Variants in ZNF704 observed in about 807,000 individuals in gnomAD.
The protein encoded by ZNF704 is zinc finger protein 704, also known as glucocorticoid induced gene 1.
ZNF704 carries 10 observed loss-of-function variants against 44.7 expected under a neutral mutation model. The ratio of observed to expected loss-of-function variants is 0.22; its 90% CI spans 0.14 to 0.38. The LOEUF (loss-of-function observed/expected upper bound fraction) is 0.38. Ranked by LOEUF, ZNF704 falls within the 10% of genes least tolerant of loss-of-function variation. ZNF704 has a pLI of 1.00. For missense variants in ZNF704, 390 were observed against 545.5 expected (o/e 0.71, Z 2.84); for synonymous variants, 211 against 207.6 (o/e 1.02, Z -0.14).
At chr8:80,717,047 TTAAA>T (rs1004201583) in intron 2 of ZNF704, among the ~76,000 whole-genome samples, 1 of 152,220 alleles carries the variant, frequency 6.6e-6, no homozygotes, top group Non-Finnish European at 1.5e-5. Flanking sequence ...TCTATACTCT[TTAAA>T]TAGCTCCAGT....
chr8:80,712,967 C>T (rs1819011256), intron 2 of ZNF704, among the ~76,000 whole-genome samples: 1 of 151,824 alleles, frequency 6.6e-6, no homozygotes, highest in Non-Finnish European at 1.5e-5. Context: ...ATGACCTCGG[C>T]TCACCGCAAT....
intron 4 of ZNF704, among the ~76,000 whole-genome samples, chr8:80,675,841 G>A (rs967944279): frequency 3.3e-5 from 5 of 152,162 alleles, no homozygotes; most frequent in African/African-American, 1.2e-4. Context: ...GGGAGAGTCA[G>A]GGATAGAGAT....
intron 4 of ZNF704, among the ~76,000 whole-genome samples, chr8:80,679,574 A>G (rs932302951): frequency 3.3e-5 from 5 of 152,200 alleles, no homozygotes; most frequent in Admixed American, 3.3e-4. Flanking sequence ...CCACCATCTC[A>G]TGGATAACAG....
intron 1 of ZNF704, among the ~76,000 whole-genome samples, chr8:80,848,602 T>C (rs1032612631): frequency 1.3e-5 from 2 of 152,040 alleles, no homozygotes; most frequent in African/African-American, 4.8e-5. Context: ...CCCAGCACTT[T>C]GGGGGGCCAA....
chr8:80,753,265 G>C (rs929779555), intron 2 of ZNF704, among the ~76,000 whole-genome samples: 3 of 152,206 alleles, frequency 2.0e-5, no homozygotes, highest in Non-Finnish European at 4.4e-5. Flanking sequence ...CCTCCAGCCA[G>C]GAGCGCCTGA....
chr8:80,675,846 A>G (rs1045652653), intron 4 of ZNF704, among the ~76,000 whole-genome samples: 8 of 152,270 alleles, frequency 5.3e-5, no homozygotes, highest in African/African-American at 1.9e-4. Flanking sequence ...AGTCAGGGAT[A>G]GAGATATAAA....
chr8:80,810,823 A>C (rs1808069087), intron 2 of ZNF704, among the ~76,000 whole-genome samples: 1 of 152,192 alleles, frequency 6.6e-6, no homozygotes, highest in Non-Finnish European at 1.5e-5. Flanking sequence ...TTTCTAACTA[A>C]TCTATTTAGT....
At chr8:80,778,163 A>G (rs1807447548) in intron 2 of ZNF704, among the ~76,000 whole-genome samples, 1 of 152,186 alleles carries the variant, frequency 6.6e-6, no homozygotes, top group South Asian at 2.1e-4. Context: ...AACTTAAACA[A>G]ATTGAAAGAA....
intron 2 of ZNF704, among the ~76,000 whole-genome samples, chr8:80,795,979 C>G (rs1807794764): frequency 6.6e-6 from 1 of 152,104 alleles, no homozygotes; most frequent in Non-Finnish European, 1.5e-5. Context: ...TTGAAAACAA[C>G]TGATTTTCAC....
At chr8:80,730,538 TAAAAAAAAAAAAAAAAAAA>T (rs148942015) in intron 2 of ZNF704, among the ~76,000 whole-genome samples, 2 of 63,960 alleles carry the variant, frequency 3.1e-5, no homozygotes, top group African/African-American at 1.0e-4. Context: ...GACTACATCT[TAAAAAAAAAAAAAAAAAAA>T]AAAAAAAAAA....
rs140248976 is a variant in ZNF704 at position 80,860,009 on chromosome 8, G to A, written c.-22+14562C>T. Reference sequence around the variant, plus strand: ...GGCTACCCTACACGTGCACACACTCGTGCAAAAATCCCAAGACAGTGTGGG... The same window carrying A: ...GGCTACCCTACACGTGCACACACTCATGCAAAAATCCCAAGACAGTGTGGG... On this transcript the variant is annotated intron_variant, in intron 1 of 8. Transcript: ENST00000327835. 2.0e-3 allele frequency among the ~76,000 whole-genome samples: 301 copies of A among 152,282 alleles called. 2 individuals are homozygous for A. The highest frequency in any genetic ancestry group is 6.4e-3 in the African/African-American group (264 of 41,568).
chr8:80,852,228 C>T (rs1245934412), intron 1 of ZNF704, among the ~76,000 whole-genome samples: 1 of 152,132 alleles, frequency 6.6e-6, no homozygotes, highest in Non-Finnish European at 1.5e-5. Flanking sequence ...CAATACTGGG[C>T]TTTCCTGACA....
intron 3 of ZNF704, 122 bp downstream of exon 3, chr8:80,692,882 G>C (rs1250691651): frequency 3.6e-6 from 3 of 844,882 alleles, no homozygotes; most frequent in Non-Finnish European, 5.6e-6. Flanking sequence ...GTTTCTCTTT[G>C]CTTCCTGCTA....
intron 7 of ZNF704, among the ~76,000 whole-genome samples, chr8:80,650,450 C>T (rs969196245): frequency 2.6e-5 from 4 of 152,228 alleles, no homozygotes; most frequent in South Asian, 2.1e-4. Context: ...ACCAGAATAA[C>T]CAATGCAGAG....
At chr8:80,672,424 C>A (rs556166848) in intron 4 of ZNF704, among the ~76,000 whole-genome samples, 1 of 152,130 alleles carries the variant, frequency 6.6e-6, no homozygotes, top group Non-Finnish European at 1.5e-5. Context: ...TGGGTGTATA[C>A]CCAAAGGAAA....
At chr8:80,727,247 G>A (rs1806496368) in intron 2 of ZNF704, among the ~76,000 whole-genome samples, 1 of 152,144 alleles carries the variant, frequency 6.6e-6, no homozygotes, top group African/African-American at 2.4e-5. Flanking sequence ...CCTTGCTATA[G>A]CCATGTGGCT....
rs778223857 is a variant in ZNF704, at chr8:80,639,662, GCA to G, written c.*1702_*1703del. ...AATAAAAGTCCCATAATATGTGAAT[GCA>G]CAGATTGTGGATGTTGCACTGTAGA... is the stretch of plus-strand genomic sequence containing the variant. On this transcript the variant is annotated 3_prime_UTR_variant, in exon 9 of 9. Coordinates refer to ENST00000327835, the MANE Select transcript of ZNF704 (RefSeq NM_001033723.3). 5 of 152,466 alleles carry G rather than the reference GCA, an allele frequency of 3.3e-5. No individual in the cohort carries two copies. Among genetic ancestry groups the G allele is most frequent in the Non-Finnish European group, 7.4e-5 (5 of 68,012 alleles). 9.4% of individuals were successfully genotyped at this position (152,466 alleles called of 1,614,324 possible).
chr8:80,725,076 A>G (rs922643580), intron 2 of ZNF704, among the ~76,000 whole-genome samples: 8 of 152,214 alleles, frequency 5.3e-5, no homozygotes, highest in Non-Finnish European at 7.3e-5. Flanking sequence ...GACTTGAAGA[A>G]TAAGACATAG....
At chr8:80,692,126 C>T (rs1490883721) in intron 3 of ZNF704, among the ~76,000 whole-genome samples, 2 of 152,194 alleles carry the variant, frequency 1.3e-5, no homozygotes, top group African/African-American at 2.4e-5. Context: ...CCTAGCCAGG[C>T]ATAAATGACC....
Sources: allele counts gnomAD v4.1 joint callset (sites outside exome capture counted in the v4.1 genomes callset), GRCh38; gene constraint gnomAD v4.1.1; transcripts MANE v1.5; gene names NCBI Gene and HGNC (gene_info 2026-07-23, HGNC 2026-07-21).